ZNF536: variants seen among roughly 807,000 people sequenced by gnomAD.
ZNF536 encodes zinc finger protein 536.
A neutral mutation model predicts 84.5 loss-of-function variants in ZNF536; 13 were observed. The observed-to-expected ratio is 0.15, with a 90% CI of 0.10 to 0.24. The LOEUF (loss-of-function observed/expected upper bound fraction) is 0.24, where lower values mean the gene tolerates loss of function less well. Among genes scored for constraint, ZNF536 ranks in the 10% least tolerant of loss-of-function variants. The pLI, the probability that ZNF536 is intolerant of heterozygous loss-of-function variation, is 1.00. For missense variants in ZNF536, 1,536 were observed against 1,747.5 expected, an observed-to-expected ratio of 0.88 and a Z score of 2.16; for synonymous variants, 811 against 742.5, an observed-to-expected ratio of 1.09 and a Z score of -1.50.
intron 2 of ZNF536, among the ~76,000 whole-genome samples, chr19:30,323,985 C>T (rs575903513): frequency 6.6e-6 from 1 of 152,168 alleles, no homozygotes; most frequent in Admixed American, 6.5e-5. Flanking sequence ...TCAACTACCC[C>T]CTTATTCACC....
chr19:30,480,565 G>C (rs1199264522), intron 2 of ZNF536, among the ~76,000 whole-genome samples: 1 of 152,092 alleles, frequency 6.6e-6, no homozygotes, highest in Non-Finnish European at 1.5e-5. Flanking sequence ...GGGGGCAAGG[G>C]GAGGGAGAGC....
chr19:30,433,113 G>A (rs571125265), intron 1 of ZNF536, among the ~76,000 whole-genome samples: 4 of 152,272 alleles, frequency 2.6e-5, no homozygotes, highest in Admixed American at 6.5e-5. Context: ...AGCATTACAA[G>A]CTCCATATAC....
In ZNF536 at chr19:30,444,534, C is replaced by G. The variant is rs2148187652; in HGVS notation, c.972C>G (p.Ile324Met). ...ELISHVEKAH[I>M]TAESAQGQGP... is the part of the protein sequence containing the mutation. ...TCAGCCACGTGGAGAAGGCACACAT[C>G]ACGGCCGAGTCGGCCCAGGGCCAGG... Residue 324 changes from isoleucine to methionine, a missense_variant, in exon 2 of 5, where the codon ATC becomes ATG. Coordinates refer to ENST00000355537, the MANE Select transcript of ZNF536 (RefSeq NM_014717.3). 1 of 1,613,156 alleles carries G rather than the reference C, an allele frequency of 6.2e-7. No individual in the cohort carries two copies. Among genetic ancestry groups the G allele is most frequent in the Non-Finnish European group, 8.5e-7 (1 of 1,179,910 alleles).
chr19:30,533,026 A>G lies in ZNF536; in HGVS notation c.2171-1821A>G, dbSNP rs1248723702. ...CTTCCTACTTGTGCAAAATTATAGG[A>G]AAAAAAAGCTAGGTAATTATACCCT... On this transcript the variant is annotated intron_variant, in intron 2 of 4. Transcript: ENST00000355537. Among the ~76,000 whole-genome samples the G allele has an allele frequency of 5.9e-5, 9 of 152,022 alleles. No homozygotes were observed. The South Asian group carries it at 6.2e-4, about 11-fold the overall frequency.
At chr19:30,538,301 G>A (rs990126659) in intron 3 of ZNF536, among the ~76,000 whole-genome samples, 4 of 152,158 alleles carry the variant, frequency 2.6e-5, no homozygotes, top group Admixed American at 6.6e-5. Flanking sequence ...GGACCCATAT[G>A]AGCACATTTA....
chr19:30,525,836 G>T (rs901263442), intron 2 of ZNF536, among the ~76,000 whole-genome samples: 8 of 152,208 alleles, frequency 5.3e-5, no homozygotes, highest in Non-Finnish European at 8.8e-5. Flanking sequence ...AGAACAGAAA[G>T]GTGAGGGTTG....
At position 30,313,377 on chromosome 19, in the gene ZNF536, G is replaced by C. The variant is rs140117390; in HGVS notation, c.-120+29236G>C. Among the ~76,000 whole-genome samples the C allele has an allele frequency of 8.0e-3, 1,224 of 152,282 alleles. 22 individuals are homozygous for C. The highest frequency in any genetic ancestry group is 0.028 in the African/African-American group (1,177 of 41,562). On this transcript the variant is annotated intron_variant, in intron 2 of 5. Coordinates refer to the ZNF536 transcript ENST00000585628. ...CCTAGAAAATCTACTAGTGGTGGCT[G>C]ACTTCTGCTTAGGTCCCCTGCCTTG...
At chr19:30,309,582 A>G (rs2046437366) in intron 2 of ZNF536, among the ~76,000 whole-genome samples, 1 of 152,118 alleles carries the variant, frequency 6.6e-6, no homozygotes, top group South Asian at 2.1e-4. Context: ...GTAGTGTTTT[A>G]CCATTTGATT....
At chr19:30,617,507 C>A (rs953475331) in intron 1 of ZNF536, among the ~76,000 whole-genome samples, 2 of 151,422 alleles carry the variant, frequency 1.3e-5, no homozygotes, top group African/African-American at 4.9e-5. Flanking sequence ...CCTGCCACCA[C>A]GCCTGGCTAA....
At chr19:30,248,797 C>G (rs1027921089) in intron 1 of ZNF536, among the ~76,000 whole-genome samples, 1 of 152,142 alleles carries the variant, frequency 6.6e-6, no homozygotes, top group African/African-American at 2.4e-5. Context: ...CTGATGCCTA[C>G]TAGATTTCAT....
At chr19:30,686,645 G>A (rs1600265636) in intron 1 of ZNF536, among the ~76,000 whole-genome samples, 3 of 152,254 alleles carry the variant, frequency 2.0e-5, no homozygotes, top group South Asian at 2.1e-4. Flanking sequence ...GAAGGAGCCC[G>A]CCGGCTCCCG....
chr19:30,226,628 CCCCAGCCGGGCCTCGGCCTGGGGG>C (rs1365783365), upstream of ZNF536, among the ~76,000 whole-genome samples: 1 of 152,092 alleles, frequency 6.6e-6, no homozygotes, highest in Admixed American at 6.5e-5. The surrounding 1 kb of genome is among the most constrained non-coding windows in gnomAD (Gnocchi z 4.6). Flanking sequence ...GCAGCACCTG[CCCCAGCCGGGCCTCGGCCTGGGGG>C]CCCAGCCGGG....
At chr19:30,399,774 G>A (rs965144079) in intron 1 of ZNF536, among the ~76,000 whole-genome samples, 8 of 144,002 alleles carry the variant, frequency 5.6e-5, no homozygotes, top group African/African-American at 1.8e-4. Flanking sequence ...TGCAATCTCC[G>A]CCTCCCGGGT....
intron 1 of ZNF536, among the ~76,000 whole-genome samples, chr19:30,659,951 G>A (rs984518980): frequency 1.1e-5 from 1 of 93,772 alleles, no homozygotes; most frequent in Admixed American, 8.8e-5. Flanking sequence ...TTTGACACAA[G>A]GGTGTGTGTG....
chr19:30,297,230 TCAGTACCAGG>T (rs759219691), intron 2 of ZNF536, among the ~76,000 whole-genome samples: 103 of 152,324 alleles, frequency 6.8e-4, no homozygotes, highest in Admixed American at 1.4e-3. Flanking sequence ...ACTACTGTGA[TCAGTACCAGG>T]CACCTTTTTC....
chr19:30,418,701 G>A (rs890960312), intron 1 of ZNF536, among the ~76,000 whole-genome samples: 6 of 152,106 alleles, frequency 3.9e-5, no homozygotes, highest in African/African-American at 7.2e-5. Flanking sequence ...TGATGTGCCC[G>A]TCTCAAGAGG....
chr19:30,273,231 G>GTA (rs1491250356), intron 1 of ZNF536, among the ~76,000 whole-genome samples: 2 of 148,432 alleles, frequency 1.3e-5, no homozygotes, highest in South Asian at 2.1e-4. Flanking sequence ...GTGTGTGTGT[G>GTA]TATACCTAAG....
intron 1 of ZNF536, among the ~76,000 whole-genome samples, chr19:30,584,735 T>A (rs1283540423): frequency 2.0e-5 from 3 of 152,202 alleles, no homozygotes; most frequent in Non-Finnish European, 4.4e-5. Flanking sequence ...TCCTCTTTGT[T>A]TGTATGTTCT....
At chr19:30,387,618 A>G (rs762914259) in intron 1 of ZNF536, among the ~76,000 whole-genome samples, 1 of 152,230 alleles carries the variant, frequency 6.6e-6, no homozygotes, top group Non-Finnish European at 1.5e-5. Context: ...AGCTGATGAC[A>G]CACTTGAGAT....
Sources: allele counts gnomAD v4.1 joint callset (sites outside exome capture counted in the v4.1 genomes callset), GRCh38; gene constraint gnomAD v4.1.1; non-coding constraint Gnocchi (gnomAD v3.1); transcripts MANE v1.5; gene names NCBI Gene and HGNC (gene_info 2026-07-23, HGNC 2026-07-21).